MCC: variants seen among roughly 807,000 people sequenced by gnomAD.
MCC encodes the protein colorectal mutant cancer protein.
A neutral mutation model predicts 116.2 loss-of-function variants in MCC; 90 were observed. The ratio of observed to expected loss-of-function variants is 0.77; its 90% confidence interval spans 0.65 to 0.92. The LOEUF (loss-of-function observed/expected upper bound fraction) is 0.92. Ranked by LOEUF, MCC falls within the 40% of genes least tolerant of loss-of-function variation. The pLI is 0.00. For missense variants in MCC, 1,516 were observed against 1,312.2 expected, an observed-to-expected ratio of 1.16 and a Z score of -2.40; for synonymous variants, 578 against 510.5, an observed-to-expected ratio of 1.13 and a Z score of -1.78.
At chr5:113,345,852 T>A (rs1014290994) in intron 2 of MCC, among the ~76,000 whole-genome samples, 1 of 152,112 alleles carries the variant, frequency 6.6e-6, no homozygotes, top group African/African-American at 2.4e-5. Context: ...ATTAACACCA[T>A]CCAGGAAAAC....
At chr5:113,340,319 C>G (rs577318413) in intron 3 of MCC, among the ~76,000 whole-genome samples, 200 bp downstream of exon 3, 1 of 152,288 alleles carries the variant, frequency 6.6e-6, no homozygotes, top group African/African-American at 2.4e-5. Flanking sequence ...GGAGTCTACT[C>G]TGGTCTCCAT....
chr5:113,088,916 T>G (rs1755396452), intron 8 of MCC, among the ~76,000 whole-genome samples: 1 of 152,176 alleles, frequency 6.6e-6, no homozygotes, highest in Non-Finnish European at 1.5e-5. Context: ...CCCAAGTGGC[T>G]GGGACTACAG....
chr5:113,437,591 C>A (rs1770899958), intron 1 of MCC, among the ~76,000 whole-genome samples: 1 of 152,190 alleles, frequency 6.6e-6, no homozygotes. Flanking sequence ...CATACACTCA[C>A]ACATAGACAT....
intron 1 of MCC, among the ~76,000 whole-genome samples, chr5:113,400,570 T>C (rs1037315476): frequency 2.0e-5 from 3 of 152,262 alleles, no homozygotes; most frequent in African/African-American, 7.2e-5. Context: ...CACAATGATT[T>C]GTAAAAACTT....
chr5:113,213,046 T>C (rs1219483813), intron 3 of MCC, among the ~76,000 whole-genome samples: 1 of 152,208 alleles, frequency 6.6e-6, no homozygotes, highest in African/African-American at 2.4e-5. Flanking sequence ...TAAAATTCTA[T>C]TCTGCAAAGC....
intron 14 of MCC, among the ~76,000 whole-genome samples, chr5:113,061,363 A>G (rs1489778745): frequency 6.6e-6 from 1 of 152,196 alleles, no homozygotes; most frequent in Non-Finnish European, 1.5e-5. Flanking sequence ...GAAGGAGCTG[A>G]ACTGTGAGGC....
intron 3 of MCC, among the ~76,000 whole-genome samples, chr5:113,256,744 A>G (rs1765020580): frequency 6.6e-6 from 1 of 152,174 alleles, no homozygotes; most frequent in African/African-American, 2.4e-5. Flanking sequence ...ACTGCTACCT[A>G]CCTGCCAACC....
intron 5 of MCC, among the ~76,000 whole-genome samples, chr5:113,142,360 G>A (rs2150285318): frequency 6.6e-6 from 1 of 151,908 alleles, no homozygotes; most frequent in Middle Eastern, 3.4e-3. Flanking sequence ...GCATCGCCAG[G>A]AACATGAAAA....
At position 113,442,527 on chromosome 5, in the gene MCC, C is replaced by T. The variant is rs371454171; in HGVS notation, c.170+45718G>A. The stretch of plus-strand genomic sequence containing the variant: ...ATTAGATCCCATTTGTCAATTTTGG[C>T]TTTTGTTGCCATTGCTTTTCGTGTT... On this transcript the variant is annotated intron_variant, in intron 1 of 18. Coordinates refer to ENST00000408903, the MANE Select transcript of MCC (RefSeq NM_001085377.2). Among the ~76,000 whole-genome samples, 197 of 152,262 alleles carry T rather than the reference C, an allele frequency of 1.3e-3. 1 individual carries two copies. The highest frequency in any genetic ancestry group is 4.5e-3 in the African/African-American group (189 of 41,570).
At chr5:113,294,326 T>C in intron 3 of MCC, 1 of 1,613,820 alleles carries the variant, frequency 6.2e-7, no homozygotes, top group Non-Finnish European at 8.5e-7. Context: ...AGCTGTTTCT[T>C]ACCTCACTCA....
chr5:113,353,534 C>T (rs1768334809), intron 2 of MCC, among the ~76,000 whole-genome samples: 1 of 152,194 alleles, frequency 6.6e-6, no homozygotes, highest in Non-Finnish European at 1.5e-5. Context: ...GGCTTACACA[C>T]ATAAATTGCC....
At chr5:113,103,377 T>G (rs970628259) in intron 7 of MCC, among the ~76,000 whole-genome samples, 1 of 152,136 alleles carries the variant, frequency 6.6e-6, no homozygotes, top group Admixed American at 6.5e-5. Context: ...AACTCCGAGG[T>G]TGGGGCTAGA....
intron 3 of MCC, among the ~76,000 whole-genome samples, chr5:113,236,528 T>C (rs960567044): frequency 3.9e-5 from 6 of 152,216 alleles, no homozygotes; most frequent in Non-Finnish European, 5.9e-5. Flanking sequence ...GGGATAATTA[T>C]GTCTAGGGTT....
chr5:113,355,902 A>C (rs1246679945), intron 2 of MCC, among the ~76,000 whole-genome samples: 3 of 152,070 alleles, frequency 2.0e-5, no homozygotes, highest in Non-Finnish European at 2.9e-5. Context: ...GTTTCTCTCC[A>C]GGCCAGTAAG....
At chr5:113,326,176 C>T (rs1328994297) in intron 3 of MCC, among the ~76,000 whole-genome samples, 1 of 152,124 alleles carries the variant, frequency 6.6e-6, no homozygotes, top group Non-Finnish European at 1.5e-5. Flanking sequence ...ATATGGGATA[C>T]ACAGAAGAAC....
intron 3 of MCC, among the ~76,000 whole-genome samples, chr5:113,285,294 G>A (rs373998577): frequency 1.1e-4 from 17 of 151,788 alleles, no homozygotes; most frequent in African/African-American, 3.6e-4. Flanking sequence ...AACTTTCCAG[G>A]CCTTTTCTTT....
intron 2 of MCC, among the ~76,000 whole-genome samples, chr5:113,348,448 A>G (rs1356372187): frequency 1.3e-5 from 2 of 152,144 alleles, no homozygotes; most frequent in South Asian, 4.1e-4. Context: ...AAATTAAACA[A>G]TATGCTCCTA....
Position 113,101,940 on chromosome 5 carries a change from G to T in MCC, c.1197C>A (p.Val399=), listed in dbSNP as rs148008560. ...GGCCAAGCACCCCCTCAATCTCCTCGACTGTCTGTAAAACACAGCCCCAAA... is the reference window on the plus strand; with the variant it reads ...GGCCAAGCACCCCCTCAATCTCCTCTACTGTCTGTAAAACACAGCCCCAAA... ...SEHCDLAIKT[V]EEIEGVLGRD... The change falls in exon 8 of 19, where the codon GTC becomes GTA. Residue 399 remains valine (V), a synonymous_variant. Coordinates refer to ENST00000408903, the MANE Select transcript of MCC (RefSeq NM_001085377.2). 1.2e-6 allele frequency: 2 copies of T among 1,613,390 alleles called. No homozygotes were observed. Among genetic ancestry groups the T allele is most frequent in the Admixed American group, 1.7e-5 (1 of 59,880 alleles).
intron 17 of MCC, among the ~76,000 whole-genome samples, chr5:113,038,494 CAAA>C (rs1372080230): frequency 6.6e-6 from 1 of 151,760 alleles, no homozygotes. Flanking sequence ...CGCTAGGAAC[CAAA>C]AAAGAAGTGG....
Sources: gnomAD v4.1 joint callset for allele counts (sites outside exome capture counted in the v4.1 genomes callset) on GRCh38, gnomAD v4.1.1 for gene constraint, MANE v1.5 for transcripts, NCBI Gene and HGNC (gene_info 2026-07-23, HGNC 2026-07-21) for gene names.